The following ADAMTSL3 variants were observed in gnomAD, a reference collection of about 807,000 sequenced individuals.
ADAMTSL3 encodes ADAMTS like 3, also known as ADAMTS-like protein 3.
In ADAMTSL3, 128 loss-of-function variants were observed where a neutral mutation model predicts 201.7. The observed-to-expected ratio is 0.63, with a 90% confidence interval of 0.55 to 0.73. The LOEUF (loss-of-function observed/expected upper bound fraction) is 0.73, where lower values mean the gene tolerates loss of function less well. Among genes scored for constraint, ADAMTSL3 ranks in the 30% least tolerant of loss-of-function variants. ADAMTSL3 has a pLI of 0.00. For missense variants in ADAMTSL3, 1,990 were observed against 2,119.6 expected, an observed-to-expected ratio of 0.94 and a Z score of 1.20; for synonymous variants, 738 against 748.4, an observed-to-expected ratio of 0.99 and a Z score of 0.23.
intron 6 of ADAMTSL3, among the ~76,000 whole-genome samples, chr15:83,837,306 G>C (rs144816747): frequency 0.03 from 4,612 of 151,460 alleles, 95 homozygotes; most frequent in Non-Finnish European, 0.046. Flanking sequence ...TAGGGATATA[G>C]ATATTTAGAG....
intron 13 of ADAMTSL3, among the ~76,000 whole-genome samples, chr15:83,896,886 A>C (rs1305769429): frequency 6.6e-6 from 1 of 152,166 alleles, no homozygotes; most frequent in African/African-American, 2.4e-5. Context: ...AGGGTGAAGT[A>C]GAAGCAAGTA....
chr15:83,838,267 C>T (rs773582474), intron 7 of ADAMTSL3, 52 bp downstream of exon 7: 44 of 1,553,494 alleles, frequency 2.8e-5, no homozygotes, highest in Non-Finnish European at 3.8e-5. Context: ...ATATTTTAGA[C>T]TGTCTATTGC....
Position 83,897,915 on chromosome 15 carries a change from C to A in ADAMTSL3, c.1525C>A (p.Arg509Ser). Residue 509 changes from arginine to serine, a missense_variant, in exon 14 of 30, where the codon CGC (arginine) becomes AGC (serine). Transcript: ENST00000286744. ...CCGGGTTGTTCTGTGTATTAACCAC[C>A]GCGGAGAGCATGTTGGGGGCTGCAA... The part of the protein sequence containing the change: ...RYRVVLCINH[R>S]GEHVGGCNPQ... 1.2e-6 allele frequency: 2 copies of A among 1,613,812 alleles called. No individual in the cohort carries two copies. Among genetic ancestry groups the A allele is most frequent in the Non-Finnish European group, 1.7e-6 (2 of 1,179,808 alleles).
At chr15:83,729,484 C>T (rs2062231913) in intron 3 of ADAMTSL3, among the ~76,000 whole-genome samples, 2 of 151,788 alleles carry the variant, frequency 1.3e-5, no homozygotes, top group Non-Finnish European at 2.9e-5. Flanking sequence ...TTCAAATAGC[C>T]TGTCTTCAAG....
intron 9 of ADAMTSL3, among the ~76,000 whole-genome samples, chr15:83,880,434 A>G (rs1032862240): frequency 1.2e-4 from 18 of 152,214 alleles, no homozygotes; most frequent in South Asian, 2.1e-4. Flanking sequence ...CACATTGTCA[A>G]TGGCTACTTT....
At chr15:83,697,580 C>A (rs1163785507) in intron 2 of ADAMTSL3, among the ~76,000 whole-genome samples, 1 of 152,178 alleles carries the variant, frequency 6.6e-6, no homozygotes, top group Non-Finnish European at 1.5e-5. Context: ...TTACTTACAT[C>A]TTCTAGCTTA....
At chr15:83,974,831 C>G (rs914290076) in intron 20 of ADAMTSL3, among the ~76,000 whole-genome samples, 2 of 151,850 alleles carry the variant, frequency 1.3e-5, no homozygotes, top group Non-Finnish European at 2.9e-5. Context: ...TTATTTTTCC[C>G]CAAAGTACTG....
chr15:83,835,461 C>G (rs1302309286), intron 6 of ADAMTSL3, among the ~76,000 whole-genome samples: 1 of 152,048 alleles, frequency 6.6e-6, no homozygotes, highest in East Asian at 1.9e-4. Flanking sequence ...AATATCAGTG[C>G]TCAGGGAGGT....
At chr15:83,818,774 C>A (rs2063808796) in intron 5 of ADAMTSL3, among the ~76,000 whole-genome samples, 1 of 152,112 alleles carries the variant, frequency 6.6e-6, no homozygotes, top group Non-Finnish European at 1.5e-5. Flanking sequence ...AGTAAAAAGA[C>A]CGATGAGTCA....
intron 19 of ADAMTSL3, among the ~76,000 whole-genome samples, chr15:83,952,828 A>G (rs907699989): frequency 6.6e-6 from 1 of 151,930 alleles, no homozygotes; most frequent in Non-Finnish European, 1.5e-5. Flanking sequence ...AAAAGAAAAA[A>G]ACATTGTTAT....
At chr15:83,714,421 C>T (rs914836784) in intron 3 of ADAMTSL3, among the ~76,000 whole-genome samples, 4 of 152,188 alleles carry the variant, frequency 2.6e-5, no homozygotes, top group Non-Finnish European at 5.9e-5. Context: ...TGTTTCCTTT[C>T]CCTTCAAGTA....
At chr15:83,813,321 G>C (rs2141889090) in intron 5 of ADAMTSL3, among the ~76,000 whole-genome samples, 1 of 152,228 alleles carries the variant, frequency 6.6e-6, no homozygotes, top group African/African-American at 2.4e-5. Context: ...AGCAGCCTGG[G>C]GTGGATCCCT....
At chr15:84,015,997 C>T (rs1020261230) in intron 24 of ADAMTSL3, among the ~76,000 whole-genome samples, 1 of 152,218 alleles carries the variant, frequency 6.6e-6, no homozygotes, top group Non-Finnish European at 1.5e-5. Context: ...TACTCCTCAC[C>T]ATGCAAACCT....
At chr15:83,903,943 A>AT (rs2065782906) in intron 15 of ADAMTSL3, among the ~76,000 whole-genome samples, 1 of 85,244 alleles carries the variant, frequency 1.2e-5, no homozygotes, top group Middle Eastern at 5.2e-3. Context: ...AAAAAAAAAA[A>AT]AGAAAAAAGA....
At chr15:84,033,120 C>A (rs1053932824) in intron 28 of ADAMTSL3, among the ~76,000 whole-genome samples, 2 of 151,834 alleles carry the variant, frequency 1.3e-5, no homozygotes, top group Non-Finnish European at 2.9e-5. Context: ...TTTCTGCCAC[C>A]ATTACCCTTG....
rs773261904 is a variant in ADAMTSL3, at chr15:83,991,166, G to A, written c.3925G>A (p.Val1309Met). 1.7e-5 allele frequency: 27 copies of A among 1,614,082 alleles called. No homozygotes were observed. Among genetic ancestry groups the A allele is most frequent in the African/African-American group, 9.3e-5 (7 of 74,918 alleles). The stretch of plus-strand genomic sequence containing the variant: ...TCTGTCTGTTGTGGTTGGAGGCATC[G>A]TGGAGGCAGCCCTTGGAGCAAACGT... ...NHLSVVVGGI[V>M]EAALGANVTI... The change falls in exon 23 of 30, where the codon GTG becomes ATG. Residue 1309 changes from valine (V) to methionine (M), a missense_variant. Val to Met is a conservative substitution (Grantham distance 21). Transcript: ENST00000286744.
chr15:83,941,993 TG>T (rs2066570374), intron 17 of ADAMTSL3, among the ~76,000 whole-genome samples: 1 of 152,030 alleles, frequency 6.6e-6, no homozygotes, highest in African/African-American at 2.4e-5. Flanking sequence ...CTGGTGGGAG[TG>T]TAAATTGGGA....
chr15:83,873,882 T>G (rs1242110007), intron 9 of ADAMTSL3, among the ~76,000 whole-genome samples: 1 of 145,690 alleles, frequency 6.9e-6, no homozygotes, highest in Non-Finnish European at 1.5e-5. Context: ...CATGCTCATC[T>G]TTTCATGATT....
intron 3 of ADAMTSL3, among the ~76,000 whole-genome samples, chr15:83,715,531 C>T (rs1247007680): frequency 6.6e-6 from 1 of 152,182 alleles, no homozygotes; most frequent in African/African-American, 2.4e-5. Flanking sequence ...CAGCACTGCA[C>T]ATTTCCTCCT....
Sources: gnomAD v4.1 joint callset for allele counts (sites outside exome capture counted in the v4.1 genomes callset) on GRCh38, gnomAD v4.1.1 for gene constraint, MANE v1.5 for transcripts, NCBI Gene and HGNC (gene_info 2026-07-23, HGNC 2026-07-21) for gene names.